Variants in FAM133A observed in about 807,000 individuals in gnomAD.
FAM133A encodes the protein family with sequence similarity 133 member A.
For synonymous variants in FAM133A, 65 were observed against 58.6 expected (o/e 1.11, Z -0.50); for missense variants, 159 against 164.4 (o/e 0.97, Z 0.18).
intron 2 of FAM133A, among the ~76,000 whole-genome samples, chrX:93,697,569 G>T (rs1926391002): frequency 9.0e-6 from 1 of 111,567 alleles, no homozygotes; most frequent in African/African-American, 3.3e-5. Context: ...ATATACTACT[G>T]CATATTTTTT....
At chrX:93,697,585 C>A (rs1325025232) in intron 2 of FAM133A, among the ~76,000 whole-genome samples, 1 of 111,670 alleles carries the variant, frequency 9.0e-6, no homozygotes, top group Non-Finnish European at 1.9e-5. Context: ...TTTTTAAAAT[C>A]TCCTTAATGC....
At chrX:93,676,945 A>G (rs527484470) in intron 2 of FAM133A, among the ~76,000 whole-genome samples, 2 of 106,386 alleles carry the variant, frequency 1.9e-5, no homozygotes, top group Admixed American at 1.0e-4. Context: ...TTTTTTGGTC[A>G]ATTAGTTTCT....
At chrX:93,684,293 T>A (rs754949176) in intron 2 of FAM133A, among the ~76,000 whole-genome samples, 44 of 112,230 alleles carry the variant, frequency 3.9e-4, no homozygotes, top group African/African-American at 1.3e-3. Flanking sequence ...GGAGCCTTTG[T>A]CAAAAATCAG....
chrX:93,684,612 C>T (rs1273266134), intron 2 of FAM133A, among the ~76,000 whole-genome samples: 1 of 111,812 alleles, frequency 8.9e-6, no homozygotes, highest in African/African-American at 3.2e-5. Flanking sequence ...CATATATGTT[C>T]TGTGCATGTG....
chrX:93,683,043 T>C (rs1008535422), intron 2 of FAM133A, among the ~76,000 whole-genome samples: 3 of 112,150 alleles, frequency 2.7e-5, no homozygotes, highest in Non-Finnish European at 5.6e-5. Context: ...TGCAACAAAT[T>C]ACATTAGTTT....
chrX:93,693,937 A>C (rs749969069), intron 2 of FAM133A, among the ~76,000 whole-genome samples: 1 of 111,836 alleles, frequency 8.9e-6, no homozygotes, highest in East Asian at 2.8e-4. Flanking sequence ...AATATTTGTT[A>C]AAATTAAAAT....
Position 93,710,495 on chromosome X carries a change from G to A in FAM133A, c.*329G>A, listed in dbSNP as rs1927377221. 5.5e-6 allele frequency: 1 copy of A among 181,613 alleles called. No individual in the cohort carries two copies. The highest frequency in any genetic ancestry group is 8.0e-5 in the Admixed American group (1 of 12,517). 15.0% of individuals were successfully genotyped at this position (181,613 alleles called of 1,213,427 possible). ...ACATCTTTGAAATATCACCATCAAT[G>A]AAACATAAATGTAATTTCCAGACAA... On this transcript the variant is annotated 3_prime_UTR_variant, in exon 4 of 4. Transcript: ENST00000683942.
At chrX:93,689,038 T>C (rs1183293918) in intron 2 of FAM133A, among the ~76,000 whole-genome samples, 1 of 91,701 alleles carries the variant, frequency 1.1e-5, no homozygotes, top group Non-Finnish European at 2.2e-5. Flanking sequence ...TTTAATATAA[T>C]AGGTAACAGC....
intron 3 of FAM133A, among the ~76,000 whole-genome samples, chrX:93,708,494 G>T (rs1927194724): frequency 8.9e-6 from 1 of 111,850 alleles, no homozygotes; most frequent in South Asian, 3.7e-4. Flanking sequence ...CCTTATTTGT[G>T]CAGCTTGGAA....
At chrX:93,696,038 A>T (rs1926240335) in intron 2 of FAM133A, among the ~76,000 whole-genome samples, 1 of 111,727 alleles carries the variant, frequency 9.0e-6, no homozygotes, top group South Asian at 3.7e-4. Flanking sequence ...AAACTTTCTT[A>T]AAAGGATAGT....
intron 3 of FAM133A, among the ~76,000 whole-genome samples, chrX:93,707,092 A>G (rs1927088060): frequency 8.9e-6 from 1 of 112,391 alleles, no homozygotes; most frequent in Non-Finnish European, 1.9e-5. Context: ...CTAGGTCTCA[A>G]GGGACTGAAA....
chrX:93,686,684 A>G (rs892253172), intron 2 of FAM133A, among the ~76,000 whole-genome samples: 3 of 112,018 alleles, frequency 2.7e-5, no homozygotes, highest in Non-Finnish European at 5.6e-5. Flanking sequence ...TTTTTAATTC[A>G]ATTACTTGCC....
chrX:93,678,420 A>G (rs1602782868), intron 2 of FAM133A, among the ~76,000 whole-genome samples: 1 of 111,542 alleles, frequency 9.0e-6, no homozygotes, highest in Non-Finnish European at 1.9e-5. Context: ...TGTGATTTCA[A>G]TACATGAATA....
Position 93,710,436 on chromosome X carries a change from A to C in FAM133A, c.*270A>C, listed in dbSNP as rs763166743. 35 of 264,028 alleles carry C rather than the reference A, an allele frequency of 1.3e-4. No homozygotes were observed. The highest frequency in any genetic ancestry group is 7.3e-4 in the African/African-American group (26 of 35,625). 21.8% of individuals were successfully genotyped at this position (264,028 alleles called of 1,213,427 possible). A position where few individuals can be genotyped will look rare whatever the true frequency, so the allele number is the denominator to read the frequency against. On this transcript the variant is annotated 3_prime_UTR_variant, in exon 4 of 4. Coordinates refer to ENST00000683942, the MANE Select transcript of FAM133A (RefSeq NM_001171109.2). ...ATAATGAATAACTTTGACAAAAAAA[A>C]GTGTATCTAAGGTTAAATGTATCTA...
chrX:93,697,621 T>G (rs1457972981), intron 2 of FAM133A, among the ~76,000 whole-genome samples: 1 of 111,977 alleles, frequency 8.9e-6, no homozygotes, highest in Non-Finnish European at 1.9e-5. Flanking sequence ...TCTTATCTGT[T>G]TCTACATTCA....
At position 93,711,826 on chromosome X, in the gene FAM133A, T is replaced by C. The variant is rs751455534; in HGVS notation, c.*1660T>C. The stretch of plus-strand genomic sequence containing the variant: ...GCTTTTTCCTAAAAATATATGTTTA[T>C]GCTGATAAAAACTATTACATTTATG... On this transcript the variant is annotated 3_prime_UTR_variant, in exon 4 of 4. Coordinates refer to ENST00000683942, the MANE Select transcript of FAM133A (RefSeq NM_001171109.2). 1 of 123,574 alleles carries C rather than the reference T, an allele frequency of 8.1e-6. No individual in the cohort carries two copies. The highest frequency in any genetic ancestry group is 2.8e-4 in the East Asian group (1 of 3,564). The allele number at this position is 123,574 out of a possible 1,213,427, so 10.2% of individuals were successfully genotyped here. A position where few individuals can be genotyped will look rare whatever the true frequency, so the allele number is the denominator to read the frequency against.
At position 93,711,436 on chromosome X, in the gene FAM133A, A is replaced by T. The variant is rs908964736; in HGVS notation, c.*1270A>T. On this transcript the variant is annotated 3_prime_UTR_variant, in exon 4 of 4. Transcript: ENST00000683942. The stretch of plus-strand genomic sequence containing the variant: ...ATTTGGTGCCTTGTATCTGTTGCTG[A>T]TTCACTTTTACCACTAGTGTAAAAA... 25 of 122,798 alleles carry T rather than the reference A, an allele frequency of 2.0e-4. No individual in the cohort carries two copies. The highest frequency in any genetic ancestry group is 7.2e-4 in the African/African-American group (22 of 30,722). The allele number at this position is 122,798 out of a possible 1,213,427, so 10.1% of individuals were successfully genotyped here. A position where few individuals can be genotyped will look rare whatever the true frequency, so the allele number is the denominator to read the frequency against.
chrX:93,681,551 A>AG (rs1925159402), intron 2 of FAM133A, among the ~76,000 whole-genome samples: 1 of 111,828 alleles, frequency 8.9e-6, no homozygotes, highest in African/African-American at 3.2e-5. Flanking sequence ...GATACTTTCA[A>AG]GGTGATGATA....
chrX:93,686,783 G>T (rs1378048297), intron 2 of FAM133A, among the ~76,000 whole-genome samples: 1 of 112,426 alleles, frequency 8.9e-6, no homozygotes, highest in Non-Finnish European at 1.9e-5. Context: ...CAAAGGAAAT[G>T]GATTTCCAAT....
Sources: gnomAD v4.1 joint callset for allele counts (sites outside exome capture counted in the v4.1 genomes callset) on GRCh38, gnomAD v4.1.1 for gene constraint, MANE v1.5 for transcripts, NCBI Gene and HGNC (gene_info 2026-07-23, HGNC 2026-07-21) for gene names.